Variants in RTN4 observed in about 807,000 individuals in gnomAD.
The protein encoded by RTN4 is reticulon-4.
RTN4 carries 32 observed loss-of-function variants against 90.4 expected under a neutral mutation model. The observed-to-expected ratio is 0.35, with a 90% CI of 0.27 to 0.48. RTN4 has a LOEUF of 0.48. RTN4 is among the 20% of genes least tolerant of loss of function. The pLI is 0.99. For synonymous variants in RTN4, 629 were observed against 552.5 expected (o/e 1.14, Z -1.94); for missense variants, 1,706 against 1,430.2 (o/e 1.19, Z -3.11).
chr2:55,119,323 T>C, the RTN4 span, among the ~76,000 whole-genome samples: 1 of 152,236 alleles, frequency 6.6e-6, no homozygotes, highest in South Asian at 2.1e-4. Flanking sequence ...CTACGTATAA[T>C]GGTAATATAC....
In RTN4 at chr2:55,026,790, C is replaced by A; in HGVS notation, c.1309G>T (p.Asp437Tyr). Residue 437 changes from aspartate (D) to tyrosine (Y), a missense_variant, in exon 3 of 9, where the codon GAT (aspartate) becomes TAT (tyrosine). Asp to Tyr is a radical substitution (Grantham distance 160). Coordinates refer to ENST00000337526, the MANE Select transcript of RTN4 (RefSeq NM_020532.5). ...DSLEQTNHEKDSESSNDDTSF... is the reference protein window; with the variant it reads ...DSLEQTNHEKYSESSNDDTSF... ...GTATCATCATTACTACTCTCACTAT[C>A]TTTTTCGTGATTAGTTTGCTCAAGG... The A allele has an allele frequency of 6.2e-7, 1 of 1,613,936 alleles. No individual in the cohort carries two copies. Among genetic ancestry groups the A allele is most frequent in the Non-Finnish European group, 8.5e-7 (1 of 1,179,864 alleles).
intron 1 of RTN4, among the ~76,000 whole-genome samples, chr2:55,100,820 A>C (rs1404694595): frequency 1.3e-5 from 2 of 152,122 alleles, no homozygotes; most frequent in Non-Finnish European, 2.9e-5. Flanking sequence ...GCTTAAACAA[A>C]AATTTACTTG....
intron 4 of RTN4, among the ~76,000 whole-genome samples, chr2:54,986,520 C>T (rs559881600): frequency 1.3e-5 from 2 of 152,288 alleles, no homozygotes; most frequent in East Asian, 3.9e-4. Flanking sequence ...TTACAGGCCC[C>T]TGGTTAGACT....
rs114931620 is a variant in RTN4 at position 55,047,509 on chromosome 2, C to T, written c.556+2236G>A. On this transcript the variant is annotated intron_variant, in intron 1 of 8. Coordinates refer to ENST00000337526, the MANE Select transcript of RTN4 (RefSeq NM_020532.5). ...AGTATGGGGGTGAGGAGTCCGTCAA[C>T]ATCAAAATATTACTAAAAAGCATCG... is the stretch of plus-strand genomic sequence containing the variant. Among the ~76,000 whole-genome samples the T allele has an allele frequency of 5.0e-3, 754 of 151,778 alleles. 5 individuals carry two copies. The highest frequency in any genetic ancestry group is 0.018 in the African/African-American group (724 of 41,344).
chr2:55,083,077 G>A (rs1298977976), intron 1 of RTN4, among the ~76,000 whole-genome samples: 1 of 152,180 alleles, frequency 6.6e-6, no homozygotes, highest in East Asian at 1.9e-4. Flanking sequence ...ACCATCTAAT[G>A]TAAACAATAG....
rs150498253 is a variant in RTN4, at chr2:55,041,548, T to G, written c.556+8197A>C. On this transcript the variant is annotated intron_variant, in intron 1 of 8. Transcript: ENST00000337526. ...CAGATAAATGGAAAAGCAGAGGAAA[T>G]ATTTCACCCATACTACAAGAATATG... Among the ~76,000 whole-genome samples the G allele has an allele frequency of 2.6e-5, 4 of 152,140 alleles. No individual in the cohort carries two copies. In the East Asian group the frequency reaches 7.7e-4, roughly 29 times the overall value.
In RTN4 at chr2:55,050,133, C is replaced by T; in HGVS notation, c.168G>A (p.Glu56=). The T allele has an allele frequency of 1.3e-6, 2 of 1,540,356 alleles. No homozygotes were observed. Among genetic ancestry groups the T allele is most frequent in the Non-Finnish European group, 1.7e-6 (2 of 1,151,410 alleles). Residue 56 remains glutamate (E), a synonymous_variant, in exon 1 of 9, where the codon GAG becomes GAA. Transcript: ENST00000337526. The surrounding 1 kb of genome is among the most constrained non-coding windows in gnomAD (Gnocchi z 4.6). ...CGGACAGCCCGGCGGCGGGCTTCCT[C>T]TCCAGCACCTCCAGCTCCTCCAGGT... ...DEDLEELEVL[E]RKPAAGLSAA...
intron 1 of RTN4, among the ~76,000 whole-genome samples, chr2:55,037,216 G>A (rs1012449856): frequency 2.0e-5 from 3 of 152,174 alleles, no homozygotes; most frequent in African/African-American, 7.2e-5. Context: ...ACACTGCTGA[G>A]AGAAATTACA....
rs1489196736 is a variant in RTN4 at position 54,973,092 on chromosome 2, C to G, written c.*64G>C. 1.5e-6 allele frequency: 2 copies of G among 1,375,160 alleles called. No homozygotes were observed. The highest frequency in any genetic ancestry group is 4.6e-5 in the East Asian group (2 of 43,110). 85.2% of individuals were successfully genotyped at this position (1,375,160 alleles called of 1,614,324 possible). On this transcript the variant is annotated 3_prime_UTR_variant, in exon 9 of 9. Transcript: ENST00000337526. The stretch of plus-strand genomic sequence containing the variant: ...TCAAGGTTCGTTCTTCCCTGACCCT[C>G]CCCCGTATAATCAAATGAATATCCC...
chr2:54,994,026 T>A (rs1679228341), intron 3 of RTN4, among the ~76,000 whole-genome samples: 1 of 152,216 alleles, frequency 6.6e-6, no homozygotes. Context: ...AAATTTCTAG[T>A]CCCTTACAGA....
chr2:55,003,521 A>G (rs1679991724), intron 3 of RTN4, among the ~76,000 whole-genome samples: 1 of 152,192 alleles, frequency 6.6e-6, no homozygotes, highest in Non-Finnish European at 1.5e-5. Context: ...GATAGAGCAG[A>G]TAAATAAGTA....
rs753937604 is a variant in RTN4 at position 54,987,610 on chromosome 2, G to T, written c.3102C>A (p.Phe1034Leu). 6.2e-7 allele frequency: 1 copy of T among 1,614,130 alleles called. No homozygotes were observed. The highest frequency in any genetic ancestry group is 1.3e-5 in the African/African-American group (1 of 75,046). ...SLFLLLSLTV[F>L]SIVSVTAYIA... Reference sequence around the variant, plus strand: ...TGTAGGCTGTTACGCTCACAATGCTGAATACTGTCAATGAAAGCAGCAGGA... The same window carrying T: ...TGTAGGCTGTTACGCTCACAATGCTTAATACTGTCAATGAAAGCAGCAGGA... Residue 1034 changes from phenylalanine (F) to leucine (L), a missense_variant, in exon 4 of 9, where the codon TTC becomes TTA. Phe to Leu is a conservative substitution (Grantham distance 22). Coordinates refer to ENST00000337526, the MANE Select transcript of RTN4 (RefSeq NM_020532.5).
intron 1 of RTN4, among the ~76,000 whole-genome samples, chr2:55,102,466 A>C (rs1667868748): frequency 6.6e-6 from 1 of 152,150 alleles, no homozygotes; most frequent in African/African-American, 2.4e-5. Context: ...GTTTCAATAA[A>C]ACTTTATTTG....
chr2:55,015,663 A>C (rs1446213672), intron 3 of RTN4, among the ~76,000 whole-genome samples: 2 of 152,208 alleles, frequency 1.3e-5, no homozygotes, highest in Non-Finnish European at 2.9e-5. Context: ...GCACCTATCA[A>C]ACTGGTAAAG....
At chr2:55,022,112 A>G (rs1001335337) in intron 3 of RTN4, among the ~76,000 whole-genome samples, 1 of 152,178 alleles carries the variant, frequency 6.6e-6, no homozygotes, top group Non-Finnish European at 1.5e-5. Flanking sequence ...AAACAATCCA[A>G]GAAATAGGTG....
the RTN4 span, among the ~76,000 whole-genome samples, chr2:55,119,103 G>A: frequency 6.6e-6 from 1 of 152,232 alleles, no homozygotes; most frequent in Non-Finnish European, 1.5e-5. Context: ...GAAGGAGACA[G>A]AGGTGGGAGG....
chr2:55,124,380 G>A, the RTN4 span, among the ~76,000 whole-genome samples: 1 of 152,232 alleles, frequency 6.6e-6, no homozygotes, highest in Non-Finnish European at 1.5e-5. Context: ...TAAAAGCCTT[G>A]CAGGCATGTA....
chr2:54,973,825 T>C lies in RTN4; in HGVS notation c.3473A>G (p.His1158Arg), dbSNP rs1052187268. 6.2e-7 allele frequency: 1 copy of C among 1,613,306 alleles called. No individual in the cohort carries two copies. The highest frequency in any genetic ancestry group is 1.3e-5 in the African/African-American group (1 of 74,902). The change falls in exon 7 of 9, where the codon CAT becomes CGT. Residue 1158 changes from histidine (H) to arginine (R), a missense_variant. Transcript: ENST00000337526. ...AGCAGTTAGTTAGGAAATTACCTGA[T>C]GCCGTTCATAAATAACAGGAACACT... is the stretch of plus-strand genomic sequence containing the variant. ...LFSVPVIYERHQAQIDHYLGL... is the reference protein window; with the variant it reads ...LFSVPVIYERRQAQIDHYLGL...
At chr2:55,021,097 A>C (rs1260270139) in intron 3 of RTN4, among the ~76,000 whole-genome samples, 1 of 152,184 alleles carries the variant, frequency 6.6e-6, no homozygotes, top group Non-Finnish European at 1.5e-5. Context: ...CATTAATAAG[A>C]CCCAGAATTT....
Sources: gnomAD v4.1 joint callset for allele counts (sites outside exome capture counted in the v4.1 genomes callset) on GRCh38, gnomAD v4.1.1 for gene constraint, Gnocchi (gnomAD v3.1) non-coding constraint, MANE v1.5 for transcripts, NCBI Gene and HGNC (gene_info 2026-07-23, HGNC 2026-07-21) for gene names.